HSPA4: variants seen among roughly 807,000 people sequenced by gnomAD.
HSPA4 encodes heat shock protein family A (Hsp70) member 4.
Under a neutral mutation model 106.2 loss-of-function variants are expected in HSPA4, and 25 were observed. That is an observed-to-expected ratio of 0.24 (90% confidence interval 0.17 to 0.33). The LOEUF is 0.33. Among genes scored for constraint, HSPA4 ranks in the 10% least tolerant of loss-of-function variants. The pLI, the probability that HSPA4 is intolerant of heterozygous loss-of-function variation, is 1.00. For synonymous variants in HSPA4, 332 were observed against 333.6 expected (o/e 1.00, Z 0.05); for missense variants, 841 against 996.0 (o/e 0.84, Z 2.10).
intron 2 of HSPA4, among the ~76,000 whole-genome samples, chr5:133,066,219 T>C (rs1479377604): frequency 6.6e-6 from 1 of 152,196 alleles, no homozygotes; most frequent in Non-Finnish European, 1.5e-5. Flanking sequence ...GAGTTTCTGT[T>C]TGGCAGCTTG....
At chr5:133,098,251 T>C (rs1336802602) in intron 15 of HSPA4, among the ~76,000 whole-genome samples, 1 of 152,322 alleles carries the variant, frequency 6.6e-6, no homozygotes, top group South Asian at 2.1e-4. Context: ...TTGCTACTTT[T>C]TATGACTCAG....
chr5:133,080,724 C>G (rs889580100), intron 7 of HSPA4, among the ~76,000 whole-genome samples: 9 of 151,160 alleles, frequency 6.0e-5, no homozygotes, highest in Admixed American at 2.0e-4. Context: ...CATTTTTGGT[C>G]CAGTCCTTCA....
At position 133,052,481 on chromosome 5, in the gene HSPA4, GGT is replaced by G. The variant is rs1214783156; in HGVS notation, c.107+125_107+126del. ...CGCCTCCGTTCCGAGCCGAGGTCCC[GGT>G]AGGTCAGGGACCCCCAGTAGGTATT... On this transcript the variant is annotated intron_variant, in intron 1 of 18. Coordinates refer to ENST00000304858, the MANE Select transcript of HSPA4 (RefSeq NM_002154.4). 4 of 639,926 alleles carry G rather than the reference GGT, an allele frequency of 6.3e-6. No homozygotes were observed. The African/African-American group carries it at 7.5e-5, about 12-fold the overall frequency. The allele number at this position is 639,926 out of a possible 1,614,324, so 39.6% of individuals were successfully genotyped here. A position where few individuals can be genotyped will look rare whatever the true frequency, so the allele number is the denominator to read the frequency against.
rs1051851941 is a variant in HSPA4, at chr5:133,106,015, T to C, written c.*1579T>C. 1 of 150,146 alleles carries C rather than the reference T, an allele frequency of 6.7e-6. No homozygotes were observed. Among genetic ancestry groups the C allele is most frequent in the Non-Finnish European group, 1.5e-5 (1 of 67,788 alleles). The allele number at this position is 150,146 out of a possible 1,614,324, so 9.3% of individuals were successfully genotyped here. On this transcript the variant is annotated 3_prime_UTR_variant, in exon 19 of 19. Coordinates refer to ENST00000304858, the MANE Select transcript of HSPA4 (RefSeq NM_002154.4). Reference sequence around the variant, plus strand: ...GCTGGCCTGCTGTGAAGCCAGTAGCTATTTTAAAAGTGCTGGCTGCAGGAT... The same window carrying C: ...GCTGGCCTGCTGTGAAGCCAGTAGCCATTTTAAAAGTGCTGGCTGCAGGAT...
At chr5:133,095,171 A>G (rs1765695307) in intron 13 of HSPA4, among the ~76,000 whole-genome samples, 1 of 152,046 alleles carries the variant, frequency 6.6e-6, no homozygotes, top group African/African-American at 2.4e-5. Context: ...TTAGCTGGGC[A>G]GGAGCCTGTA....
In HSPA4 at chr5:133,073,342, GTTGA is replaced by G; in HGVS notation, c.529+16_529+19del. On this transcript the variant is annotated intron_variant, in intron 5 of 18. Coordinates refer to ENST00000304858, the MANE Select transcript of HSPA4 (RefSeq NM_002154.4). Reference sequence around the variant, plus strand: ...GAAACCACTGCAGGTAAGGAGGACCGTTGATTATTTTTTTGACTTGGTTAATCTT... The same window carrying G: ...GAAACCACTGCAGGTAAGGAGGACCGTTATTTTTTTGACTTGGTTAATCTT... 6.6e-7 allele frequency: 1 copy of G among 1,523,528 alleles called. No homozygotes were observed. The highest frequency in any genetic ancestry group is 1.4e-5 in the African/African-American group (1 of 72,238). The allele number at this position is 1,523,528 out of a possible 1,614,324, so 94.4% of individuals were successfully genotyped here.
At chr5:133,086,497 G>T (rs1042097874) in intron 7 of HSPA4, among the ~76,000 whole-genome samples, 1 of 152,176 alleles carries the variant, frequency 6.6e-6, no homozygotes, top group African/African-American at 2.4e-5. Flanking sequence ...TGATATACCA[G>T]TTTTGTGTGT....
At chr5:133,066,941 C>T (rs1208660848) in intron 2 of HSPA4, among the ~76,000 whole-genome samples, 1 of 152,024 alleles carries the variant, frequency 6.6e-6, no homozygotes, top group African/African-American at 2.4e-5. Context: ...GTCTCGAGCT[C>T]CTGACCTCAA....
chr5:133,101,784 G>T lies in HSPA4; in HGVS notation c.2063G>T (p.Arg688Leu), dbSNP rs1019896784. The T allele has an allele frequency of 6.2e-7, 1 of 1,611,304 alleles. No homozygotes were observed. Among genetic ancestry groups the T allele is most frequent in the Non-Finnish European group, 8.5e-7 (1 of 1,178,600 alleles). Residue 688 changes from arginine (R) to leucine (L), a missense_variant, in exon 17 of 19, where the codon CGT becomes CTT. Arg to Leu is a moderately radical substitution (Grantham distance 102, BLOSUM62 -2). This residue lies in a region of HSPA4 where 328 missense variants were observed against 372.2 expected (regional missense o/e 0.88). Coordinates refer to ENST00000304858, the MANE Select transcript of HSPA4 (RefSeq NM_002154.4). ...AATCTAGGTCAACCTATTAAGATAC[G>T]TTTCCAGGAATCTGAAGAACGACCA... ...LKNLGQPIKI[R>L]FQESEERPKL...
At chr5:133,053,735 T>G (rs1039056612) in intron 1 of HSPA4, among the ~76,000 whole-genome samples, 2 of 151,734 alleles carry the variant, frequency 1.3e-5, no homozygotes, top group Non-Finnish European at 2.9e-5. Flanking sequence ...TCTCGGCTCA[T>G]TGCAACCTCG....
At chr5:133,092,602 A>T in intron 12 of HSPA4, 98 bp from the exon 13 acceptor site, 1 of 815,040 alleles carries the variant, frequency 1.2e-6, no homozygotes, top group Non-Finnish European at 2.1e-6. Flanking sequence ...GATTGCTGGT[A>T]ATTCAGCAGG....
intron 1 of HSPA4, 115 bp from the exon 2 acceptor site, chr5:133,064,865 A>T (rs1223649132): frequency 7.5e-6 from 7 of 930,084 alleles, no homozygotes; most frequent in Non-Finnish European, 1.2e-5. Context: ...AAAATCATAG[A>T]TTTGTACCAT....
intron 12 of HSPA4, 41 bp from the exon 13 acceptor site, chr5:133,092,659 A>T: frequency 2.3e-6 from 3 of 1,277,940 alleles, no homozygotes; most frequent in Non-Finnish European, 3.4e-6. Context: ...AAGGTTGTTT[A>T]GTCTTCCTAA....
At chr5:133,074,285 T>C (rs962358450) in intron 6 of HSPA4, among the ~76,000 whole-genome samples, 159 bp downstream of exon 6, 5 of 82,554 alleles carry the variant, frequency 6.1e-5, no homozygotes, top group Non-Finnish European at 8.1e-5. Flanking sequence ...TTTTTTCTCT[T>C]TTTTTTTTTT....
chr5:133,091,783 T>C (rs574747141), intron 12 of HSPA4, among the ~76,000 whole-genome samples: 3 of 152,292 alleles, frequency 2.0e-5, no homozygotes, highest in South Asian at 2.1e-4. Context: ...TCCAGCACTT[T>C]GGGAGGCTGA....
At chr5:133,095,107 C>A (rs528482304) in intron 13 of HSPA4, among the ~76,000 whole-genome samples, 1 of 152,036 alleles carries the variant, frequency 6.6e-6, no homozygotes, top group Non-Finnish European at 1.5e-5. Flanking sequence ...GTCAGGAGTT[C>A]GAGACCAGCC....
intron 16 of HSPA4, 34 bp downstream of exon 16, chr5:133,099,686 C>A (rs747607491): frequency 8.4e-7 from 1 of 1,196,296 alleles, no homozygotes; most frequent in Non-Finnish European, 1.2e-6. Context: ...GTATCCAGAA[C>A]CCTTGTTGAA....
intron 6 of HSPA4, among the ~76,000 whole-genome samples, chr5:133,074,424 AT>A (rs1344135292): frequency 6.6e-6 from 1 of 151,952 alleles, no homozygotes; most frequent in Non-Finnish European, 1.5e-5. Context: ...GATTACGGGC[AT>A]GTGCCACCAC....
Position 133,055,560 on chromosome 5 carries a change from G to A in HSPA4, c.107+3203G>A, listed in dbSNP as rs180975283. Among the ~76,000 whole-genome samples the A allele has an allele frequency of 9.6e-4, 146 of 152,060 alleles. 2 individuals carry two copies. The Middle Eastern group carries it at 0.02, about 21-fold the overall frequency. On this transcript the variant is annotated intron_variant, in intron 1 of 18. Transcript: ENST00000304858. The stretch of plus-strand genomic sequence containing the variant: ...ACCCTTGATTTTCCACCCAATTTAG[G>A]CTTCCTTCATTTTATCAGATGTTGA...
Sources: allele counts gnomAD v4.1 joint callset (sites outside exome capture counted in the v4.1 genomes callset), GRCh38; gene constraint gnomAD v4.1.1; regional missense constraint gnomAD v4.1.1; transcripts MANE v1.5; gene names NCBI Gene and HGNC (gene_info 2026-07-23, HGNC 2026-07-21).